FHIT: variants seen among roughly 807,000 people sequenced by gnomAD.
FHIT encodes the protein bis(5'-adenosyl)-triphosphatase.
FHIT carries 19 observed loss-of-function variants against 17.9 expected under a neutral mutation model. The observed-to-expected ratio is 1.06, with a 90% CI of 0.74 to 1.56. The LOEUF is 1.56. Among genes scored for constraint, FHIT ranks in the 40% most tolerant of loss-of-function variants. FHIT has a pLI of 0.00. For synonymous variants in FHIT, 81 were observed against 69.7 expected (o/e 1.16, Z -0.81); for missense variants, 248 against 189.2 (o/e 1.31, Z -1.82).
intron 5 of FHIT, among the ~76,000 whole-genome samples, chr3:60,481,618 C>A (rs1246255987): frequency 6.6e-6 from 1 of 152,142 alleles, no homozygotes; most frequent in Non-Finnish European, 1.5e-5. Context: ...TCCAGACAAG[C>A]AAATGCTGAG....
chr3:60,168,982 G>A (rs1701302142), intron 5 of FHIT, among the ~76,000 whole-genome samples: 1 of 152,118 alleles, frequency 6.6e-6, no homozygotes, highest in African/African-American at 2.4e-5. Context: ...CTTGGCTTCA[G>A]GCCCCTTCCA....
At chr3:60,290,738 G>A (rs1345887751) in intron 5 of FHIT, among the ~76,000 whole-genome samples, 2 of 152,030 alleles carry the variant, frequency 1.3e-5, no homozygotes, top group Non-Finnish European at 2.9e-5. Flanking sequence ...TACTGAATTG[G>A]GTTTTGCCTG....
At chr3:60,409,517 G>A (rs965658897) in intron 5 of FHIT, among the ~76,000 whole-genome samples, 12 of 152,280 alleles carry the variant, frequency 7.9e-5, no homozygotes, top group Admixed American at 5.9e-4. Flanking sequence ...TAGCTGTAAT[G>A]AGAAATTACA....
intron 3 of FHIT, among the ~76,000 whole-genome samples, chr3:61,017,728 A>G (rs1053043586): frequency 6.6e-6 from 1 of 152,226 alleles, no homozygotes; most frequent in African/African-American, 2.4e-5. Flanking sequence ...ATTGTGAAGA[A>G]TTTGGCAATG....
At chr3:60,173,504 C>T (rs1434547166) in intron 5 of FHIT, among the ~76,000 whole-genome samples, 1 of 152,046 alleles carries the variant, frequency 6.6e-6, no homozygotes, top group Non-Finnish European at 1.5e-5. Context: ...TATGAACAGC[C>T]ACCATCCTTA....
At chr3:60,071,939 C>T (rs752844394) in intron 5 of FHIT, among the ~76,000 whole-genome samples, 6 of 152,184 alleles carry the variant, frequency 3.9e-5, no homozygotes, top group Non-Finnish European at 5.9e-5. Flanking sequence ...CGTTCCTTTG[C>T]TTCTCTTTTG....
At chr3:60,933,927 G>A (rs1048751212) in intron 3 of FHIT, among the ~76,000 whole-genome samples, 4 of 152,086 alleles carry the variant, frequency 2.6e-5, no homozygotes, top group East Asian at 1.9e-4. Context: ...GGTGTGACCC[G>A]GAATCTATCA....
chr3:61,005,023 A>G (rs1444652514), intron 3 of FHIT, among the ~76,000 whole-genome samples: 2 of 152,202 alleles, frequency 1.3e-5, no homozygotes, highest in African/African-American at 4.8e-5. Flanking sequence ...GAGGGAGAAG[A>G]ACCAATGTTT....
chr3:60,118,344 G>A (rs145483030), intron 5 of FHIT, among the ~76,000 whole-genome samples: 45 of 151,350 alleles, frequency 3.0e-4, no homozygotes, highest in African/African-American at 1.1e-3. Flanking sequence ...CTGGCCTCAA[G>A]GAATCCTCCT....
intron 5 of FHIT, among the ~76,000 whole-genome samples, chr3:60,124,329 C>T (rs1258075801): frequency 6.6e-6 from 1 of 151,888 alleles, no homozygotes; most frequent in Non-Finnish European, 1.5e-5. Context: ...AGGCTTATTT[C>T]TTGAGCTAGC....
At chr3:60,908,038 T>A (rs782334447) in intron 3 of FHIT, among the ~76,000 whole-genome samples, 8 of 152,210 alleles carry the variant, frequency 5.3e-5, no homozygotes, top group Non-Finnish European at 1.0e-4. Context: ...TTCAAATAAA[T>A]AAGTCTGTTT....
At chr3:60,914,691 T>C (rs974955967) in intron 3 of FHIT, among the ~76,000 whole-genome samples, 2 of 152,158 alleles carry the variant, frequency 1.3e-5, no homozygotes, top group Non-Finnish European at 2.9e-5. Context: ...CCTTTACTTC[T>C]CCCTTTAGAT....
chr3:60,476,980 T>C (rs1368755798), intron 5 of FHIT, among the ~76,000 whole-genome samples: 2 of 151,980 alleles, frequency 1.3e-5, no homozygotes, highest in Admixed American at 6.6e-5. Flanking sequence ...TATATATATA[T>C]ATATGTATGG....
At chr3:60,122,301 G>C (rs1410720330) in intron 5 of FHIT, among the ~76,000 whole-genome samples, 1 of 152,150 alleles carries the variant, frequency 6.6e-6, no homozygotes. Context: ...TATGATACGT[G>C]TTGTCTGGGG....
intron 8 of FHIT, among the ~76,000 whole-genome samples, chr3:59,850,833 A>T (rs1056578208): frequency 6.6e-6 from 1 of 152,302 alleles, no homozygotes; most frequent in South Asian, 2.1e-4. Flanking sequence ...AACAAAAAGA[A>T]TACTACTGTG....
chr3:60,390,731 GA>G (rs1215730402), intron 5 of FHIT, among the ~76,000 whole-genome samples: 3 of 148,636 alleles, frequency 2.0e-5, no homozygotes, highest in Non-Finnish European at 4.5e-5. Context: ...ACTTTAAAAA[GA>G]AAAAAAACAA....
At chr3:60,989,648 G>A (rs2030007473) in intron 3 of FHIT, among the ~76,000 whole-genome samples, 1 of 152,156 alleles carries the variant, frequency 6.6e-6, no homozygotes, top group African/African-American at 2.4e-5. Flanking sequence ...CCTCCCCACT[G>A]TTAACCAGGA....
chr3:60,156,682 G>A (rs986576558), intron 5 of FHIT, among the ~76,000 whole-genome samples: 1 of 152,152 alleles, frequency 6.6e-6, no homozygotes, highest in Non-Finnish European at 1.5e-5. Context: ...AGCCTAAGAA[G>A]TTGAGGCTGC....
At chr3:60,726,421 G>A (rs1010650445) in intron 4 of FHIT, among the ~76,000 whole-genome samples, 2 of 152,034 alleles carry the variant, frequency 1.3e-5, no homozygotes, top group Admixed American at 6.5e-5. Flanking sequence ...TTGTCTATAG[G>A]GCAAAATTCA....
Sources: gnomAD v4.1 joint callset for allele counts (sites outside exome capture counted in the v4.1 genomes callset) on GRCh38, gnomAD v4.1.1 for gene constraint, MANE v1.5 for transcripts, NCBI Gene and HGNC (gene_info 2026-07-23, HGNC 2026-07-21) for gene names.